Variants in RELL1 observed in about 807,000 individuals in gnomAD.
The protein encoded by RELL1 is RELT like 1.
RELL1 carries 10 observed loss-of-function variants against 23.0 expected under a neutral mutation model. That is an observed-to-expected ratio of 0.43 (90% CI 0.27 to 0.74). RELL1 has a LOEUF of 0.74. Among genes scored for constraint, RELL1 ranks in the 30% least tolerant of loss-of-function variants. The pLI is 0.19. For missense variants in RELL1, 315 were observed against 364.4 expected (o/e 0.86, Z 1.10); for synonymous variants, 146 against 146.8 (o/e 0.99, Z 0.04).
At chr4:37,685,713 C>G (rs975088455) in intron 1 of RELL1, among the ~76,000 whole-genome samples, 3 of 152,200 alleles carry the variant, frequency 2.0e-5, no homozygotes, top group Admixed American at 1.3e-4. Context: ...TAAATGGAAA[C>G]GTGGAAAGAG....
At chr4:37,648,607 C>G (rs911788554) in intron 2 of RELL1, among the ~76,000 whole-genome samples, 2 of 152,232 alleles carry the variant, frequency 1.3e-5, no homozygotes, top group Admixed American at 1.3e-4. Context: ...TTTTTCTAAA[C>G]ACTACCTTAT....
chr4:37,633,575 TAAAA>T (rs1363633541), intron 5 of RELL1, among the ~76,000 whole-genome samples: 1 of 152,174 alleles, frequency 6.6e-6, no homozygotes, highest in African/African-American at 2.4e-5. Flanking sequence ...TGCTTCTTAA[TAAAA>T]CAGTGTGGTC....
intron 1 of RELL1, among the ~76,000 whole-genome samples, chr4:37,651,123 C>T (rs546477868): frequency 2.6e-5 from 4 of 152,012 alleles, no homozygotes; most frequent in African/African-American, 9.6e-5. Context: ...ATATATGTTC[C>T]TGTCACACAG....
At chr4:37,635,605 G>A (rs1284875583) in intron 4 of RELL1, among the ~76,000 whole-genome samples, 2 of 152,120 alleles carry the variant, frequency 1.3e-5, no homozygotes, top group Non-Finnish European at 2.9e-5. Flanking sequence ...CAGCCTGGAT[G>A]ACAGAGTGAG....
At chr4:37,635,687 A>T (rs1377931296) in intron 4 of RELL1, among the ~76,000 whole-genome samples, 2 of 152,194 alleles carry the variant, frequency 1.3e-5, no homozygotes, top group African/African-American at 4.8e-5. Flanking sequence ...GGAATAAACC[A>T]CTGCTTCTAA....
chr4:37,624,170 C>T (rs1458507076), intron 6 of RELL1, among the ~76,000 whole-genome samples: 1 of 152,106 alleles, frequency 6.6e-6, no homozygotes, highest in African/African-American at 2.4e-5. Context: ...CACCTTGTGA[C>T]CAGCCACAGA....
chr4:37,588,320 ACT>A (rs1718422102), downstream of RELL1: 1 of 152,816 alleles, frequency 6.5e-6, no homozygotes, highest in Non-Finnish European at 1.5e-5. Context: ...TTGTGCGATG[ACT>A]CGGGCTATCA....
chr4:37,627,433 A>G lies in RELL1; in HGVS notation c.*3+3952T>C, dbSNP rs151022335. The stretch of plus-strand genomic sequence containing the variant: ...TTCTTCTCAGGAGAAACCAAAACAC[A>G]TTTTCTGCAGAAAAAAGACCATTTT... On this transcript the variant is annotated intron_variant, in intron 6 of 6. Transcript: ENST00000454158. 4.0e-3 allele frequency among the ~76,000 whole-genome samples: 602 copies of G among 152,258 alleles called. 5 individuals carry two copies. Among genetic ancestry groups the G allele is most frequent in the African/African-American group, 0.013 (532 of 41,568 alleles).
chr4:37,684,693 C>T (rs1722338866), intron 1 of RELL1, among the ~76,000 whole-genome samples: 1 of 152,210 alleles, frequency 6.6e-6, no homozygotes, highest in Admixed American at 6.5e-5. Flanking sequence ...TGGCTCATGC[C>T]TGTAATACCA....
At position 37,686,186 on chromosome 4, in the gene RELL1, G is replaced by T; in HGVS notation, c.88+14C>A. The stretch of plus-strand genomic sequence containing the variant: ...GCTCAGCACCCGGCGCCCCGGCTAC[G>T]ACCGGACACTCACCCGGAGCCACCA... On this transcript the variant is annotated intron_variant, in intron 1 of 6. Transcript: ENST00000454158. 1 of 1,571,238 alleles carries T rather than the reference G, an allele frequency of 6.4e-7. No homozygotes were observed.
intron 2 of RELL1, among the ~76,000 whole-genome samples, chr4:37,648,028 C>T (rs920640402): frequency 3.3e-5 from 5 of 152,158 alleles, no homozygotes; most frequent in Admixed American, 2.0e-4. Flanking sequence ...CACTCTGAAA[C>T]CAATCTGCAA....
chr4:37,668,201 A>ACCCCCC (rs532626099), intron 1 of RELL1, among the ~76,000 whole-genome samples: 1 of 143,918 alleles, frequency 6.9e-6, no homozygotes, highest in Non-Finnish European at 1.5e-5. Context: ...AAAAAAAGGA[A>ACCCCCC]CCCCCTCCCC....
At chr4:37,680,073 G>T (rs1389989463) in intron 1 of RELL1, among the ~76,000 whole-genome samples, 1 of 152,106 alleles carries the variant, frequency 6.6e-6, no homozygotes, top group African/African-American at 2.4e-5. Context: ...TATCCATAAA[G>T]GATTACACAC....
chr4:37,619,566 C>A (rs921719562), intron 6 of RELL1, among the ~76,000 whole-genome samples: 1 of 152,004 alleles, frequency 6.6e-6, no homozygotes, highest in South Asian at 2.1e-4. Context: ...AATAATTATT[C>A]ACAGTGTTCC....
At chr4:37,609,718 A>G (rs1165761631), downstream of RELL1, among the ~76,000 whole-genome samples, 2 of 152,216 alleles carry the variant, frequency 1.3e-5, no homozygotes, top group Non-Finnish European at 2.9e-5. Context: ...TCAAGACTTC[A>G]GTGGAGGAAG....
chr4:37,597,976 A>G (rs1359628186), intron 6 of RELL1, among the ~76,000 whole-genome samples: 1 of 151,218 alleles, frequency 6.6e-6, no homozygotes, highest in Non-Finnish European at 1.5e-5. Flanking sequence ...GCTTGAACCC[A>G]GGAGGCAGAG....
chr4:37,600,664 T>C (rs139430600), intron 6 of RELL1, among the ~76,000 whole-genome samples: 3,730 of 152,330 alleles, frequency 0.024, 71 homozygotes, highest in Non-Finnish European at 0.037. Flanking sequence ...AATAAGATTT[T>C]ATAAAATAAA....
intron 6 of RELL1, chr4:37,591,629 T>A (rs2109468820): frequency 6.6e-6 from 1 of 152,332 alleles, no homozygotes; most frequent in East Asian, 1.9e-4. Flanking sequence ...AGATGTTGAT[T>A]TTAAAACACC....
rs1426686302 is a variant in RELL1 at position 37,612,324 on chromosome 4, A to T, written c.*1022T>A. On this transcript the variant is annotated 3_prime_UTR_variant, in exon 7 of 7. Coordinates refer to ENST00000454158, the MANE Select transcript of RELL1 (RefSeq NM_001085400.2). ...CCAAGAATCGCTCAGCTAAAGGTTA[A>T]AAAAAAAAAAAAAACAAAAAAAAAC... Among the ~76,000 whole-genome samples, 4 of 21,682 alleles carry T rather than the reference A, an allele frequency of 1.8e-4. No homozygotes were observed. The highest frequency in any genetic ancestry group is 5.6e-4 in the African/African-American group (4 of 7,172). The allele number at this position is 21,682 out of a possible 152,430, so 14.2% of individuals were successfully genotyped here.
Sources: gnomAD v4.1 joint callset for allele counts (sites outside exome capture counted in the v4.1 genomes callset) on GRCh38, gnomAD v4.1.1 for gene constraint, MANE v1.5 for transcripts, NCBI Gene and HGNC (gene_info 2026-07-23, HGNC 2026-07-21) for gene names.